Variants in VCPKMT observed in about 807,000 individuals in gnomAD.
The protein encoded by VCPKMT is protein N-lysine methyltransferase METTL21D.
In VCPKMT, 32 loss-of-function variants were observed where a neutral mutation model predicts 28.6. The ratio of observed to expected loss-of-function variants is 1.12; its 90% CI spans 0.84 to 1.50. The LOEUF (loss-of-function observed/expected upper bound fraction) is 1.50. Ranked by LOEUF, VCPKMT falls within the 40% of genes most tolerant of loss-of-function variation. The pLI is 0.00. For missense variants in VCPKMT, 366 were observed against 285.0 expected, an observed-to-expected ratio of 1.28 and a Z score of -2.05; for synonymous variants, 138 against 111.4, an observed-to-expected ratio of 1.24 and a Z score of -1.50.
chr14:50,106,310 A>G (rs1212999523), downstream of VCPKMT, among the ~76,000 whole-genome samples: 1 of 152,182 alleles, frequency 6.6e-6, no homozygotes, highest in Non-Finnish European at 1.5e-5. Context: ...CTATAACTGC[A>G]TTCTGATAAG....
intron 5 of VCPKMT, chr14:50,111,364 C>T: frequency 5.1e-6 from 5 of 985,390 alleles, no homozygotes; most frequent in Non-Finnish European, 6.0e-6. Flanking sequence ...CCCGCTGCTG[C>T]CTTTTTACTT....
intron 5 of VCPKMT, among the ~76,000 whole-genome samples, chr14:50,112,290 AATCT>A (rs1882722529): frequency 6.7e-6 from 1 of 150,100 alleles, no homozygotes; most frequent in Non-Finnish European, 1.5e-5. Context: ...TGATGCCTGT[AATCT>A]CAGAACTTTG....
chr14:50,115,879 G>A lies in VCPKMT; in HGVS notation c.410C>T (p.Pro137Leu). 1 of 1,613,462 alleles carries A rather than the reference G, an allele frequency of 6.2e-7. No homozygotes were observed. ...GEEIEGFPSP[P>L]DFILMADCIY... Reference sequence around the variant, plus strand: ...GCAGTCGGCCATCAGTATGAAGTCGGGTGGAGAAGGAAAGCCTTCTATTTC... The same window carrying A: ...GCAGTCGGCCATCAGTATGAAGTCGAGTGGAGAAGGAAAGCCTTCTATTTC... Residue 137 changes from proline (P) to leucine (L), a missense_variant, in exon 3 of 6, where the codon CCC becomes CTC. Coordinates refer to ENST00000395860, the MANE Select transcript of VCPKMT (RefSeq NM_024558.3).
rs552956120 is a variant in VCPKMT at position 50,109,386 on chromosome 14, G to C, written c.*313C>G. ...AAGGTCCAGTCAAATCATGTTGGCT[G>C]TTTTTGGCAGATTTCAGCCTCGCCT... On this transcript the variant is annotated 3_prime_UTR_variant, in exon 6 of 6. Transcript: ENST00000395860. 53 of 1,093,260 alleles carry C rather than the reference G, an allele frequency of 4.8e-5. No homozygotes were observed. In the African/African-American group the frequency reaches 8.0e-4, roughly 17 times the overall value. 67.7% of individuals were successfully genotyped at this position (1,093,260 alleles called of 1,614,324 possible).
the VCPKMT span, among the ~76,000 whole-genome samples, chr14:50,103,479 CT>C: frequency 6.6e-6 from 1 of 152,158 alleles, no homozygotes; most frequent in Non-Finnish European, 1.5e-5. Context: ...CCCATCTGGT[CT>C]CAGGTTTAGC....
intron 3 of VCPKMT, among the ~76,000 whole-genome samples, chr14:50,115,457 G>A (rs1186887812): frequency 1.3e-5 from 2 of 151,726 alleles, no homozygotes; most frequent in South Asian, 2.1e-4. Context: ...GGCCCAAACT[G>A]GTATTTAAAG....
At chr14:50,106,384 T>G (rs1039672897), downstream of VCPKMT, among the ~76,000 whole-genome samples, 11 of 152,206 alleles carry the variant, frequency 7.2e-5, no homozygotes, top group Non-Finnish European at 1.2e-4. Flanking sequence ...GCATTGGCAG[T>G]CCCTTGGGAT....
rs1453831349 is a variant in VCPKMT at position 50,109,013 on chromosome 14, T to G, written c.*686A>C. On this transcript the variant is annotated 3_prime_UTR_variant, in exon 6 of 6. Transcript: ENST00000395860. The stretch of plus-strand genomic sequence containing the variant: ...CTCAAATGAAAAATCTGTAAAGATA[T>G]CTTTTGTTCCTCCAATCTTCTGATT... 1 of 985,358 alleles carries G rather than the reference T, an allele frequency of 1.0e-6. No homozygotes were observed. Among genetic ancestry groups the G allele is most frequent in the Non-Finnish European group, 1.2e-6 (1 of 829,950 alleles). The allele number at this position is 985,358 out of a possible 1,614,324, so 61.0% of individuals were successfully genotyped here. A position where few individuals can be genotyped will look rare whatever the true frequency, so the allele number is the denominator to read the frequency against.
intron 5 of VCPKMT, among the ~76,000 whole-genome samples, chr14:50,109,917 G>T (rs999993084): frequency 6.6e-6 from 1 of 152,084 alleles, no homozygotes; most frequent in African/African-American, 2.4e-5. Context: ...CAGATGCATT[G>T]GACATTATCA....
chr14:50,116,261 C>A, intron 1 of VCPKMT, 26 bp downstream of exon 1: 1 of 1,607,022 alleles, frequency 6.2e-7, no homozygotes. Context: ...GGCGCCCCCA[C>A]ATCCCGCCCG....
intron 4 of VCPKMT, chr14:50,113,374 G>T (rs1315477089): frequency 6.6e-6 from 1 of 152,020 alleles, no homozygotes; most frequent in Non-Finnish European, 1.5e-5. Flanking sequence ...TGTTACCTGA[G>T]GCAGTCATAT....
chr14:50,114,296 T>G lies in VCPKMT; in HGVS notation c.559A>C (p.Lys187Gln), dbSNP rs1178186898. 3.2e-6 allele frequency: 5 copies of G among 1,581,942 alleles called. No individual in the cohort carries two copies. In the Admixed American group the frequency reaches 5.7e-5, roughly 18 times the overall value. Residue 187 changes from lysine to glutamine, a missense_variant, in exon 4 of 6, where the codon AAA becomes CAA. Transcript: ENST00000395860. ...TACTTAATACTTACCTCAAAATATTTTTTCTCAATTTCTGGATTTTTCCCC... is the reference window on the plus strand; with the variant it reads ...TACTTAATACTTACCTCAAAATATTGTTTCTCAATTTCTGGATTTTTCCCC... ...TMGKNPEIEK[K>Q]YFELLQLDFD...
At position 50,116,217 on chromosome 14, in the gene VCPKMT, G is replaced by A. The variant is rs748855600; in HGVS notation, c.267-38C>T. On this transcript the variant is annotated intron_variant, in intron 1 of 5. Coordinates refer to ENST00000395860, the MANE Select transcript of VCPKMT (RefSeq NM_024558.3). Reference sequence around the variant, plus strand: ...GTCGACTGAGGTGTAGGCACAGGGGGGAAAGCCTGTAATCCGGATTTCCCC... The same window carrying A: ...GTCGACTGAGGTGTAGGCACAGGGGAGAAAGCCTGTAATCCGGATTTCCCC... 2.5e-6 allele frequency: 4 copies of A among 1,613,042 alleles called. No individual in the cohort carries two copies. The East Asian group carries it at 6.7e-5, about 27-fold the overall frequency.
intron 3 of VCPKMT, among the ~76,000 whole-genome samples, chr14:50,114,716 G>A (rs542925113): frequency 7.2e-5 from 11 of 152,304 alleles, no homozygotes; most frequent in African/African-American, 2.6e-4. Flanking sequence ...CCAGCATGCT[G>A]GTGCACACCT....
At position 50,113,809 on chromosome 14, in the gene VCPKMT, G is replaced by GGGGGGGGGGT. The variant is rs1566807810; in HGVS notation, c.570+475_570+476insACCCCCCCCC. On this transcript the variant is annotated intron_variant, in intron 4 of 5. Transcript: ENST00000395860. ...TACTTGGGGGCGGGGGGGGGGGGGG[G>GGGGGGGGGGT]TGACACTGAGGCAGGAGGATCACTT... 1.3e-4 allele frequency among the ~76,000 whole-genome samples: 5 copies of GGGGGGGGGGT among 39,816 alleles called. 1 individual carries two copies. The highest frequency in any genetic ancestry group is 2.5e-4 in the Non-Finnish European group (5 of 19,768). 26.1% of individuals were successfully genotyped at this position (39,816 alleles called of 152,430 possible).
chr14:50,114,933 G>T (rs1446483411), intron 3 of VCPKMT, among the ~76,000 whole-genome samples: 2 of 152,100 alleles, frequency 1.3e-5, no homozygotes, highest in East Asian at 3.9e-4. Context: ...ACTGATTTTG[G>T]TTTCCAGAAA....
Position 50,112,704 on chromosome 14 carries a change from A to C in VCPKMT, c.586T>G (p.Phe196Val). The C allele has an allele frequency of 6.4e-7, 1 of 1,568,516 alleles. No homozygotes were observed. The change falls in exon 5 of 6, where the codon TTT (phenylalanine) becomes GTT (valine). Residue 196 changes from phenylalanine to valine, a missense_variant. Physicochemically the swap from Phe to Val is conservative, Grantham distance 50 (BLOSUM62 -1). Coordinates refer to ENST00000395860, the MANE Select transcript of VCPKMT (RefSeq NM_024558.3). ...TCCAAAGGAATTTTTTCAAAGTCAA[A>C]ATCTAGCTGAAGGAGCTATAAATTT... Reference protein sequence around the residue: ...KKYFELLQLDFDFEKIPLEKH... With the variant: ...KKYFELLQLDVDFEKIPLEKH...
At chr14:50,109,842 G>T in intron 5 of VCPKMT, 129 bp from the exon 6 acceptor site, 1 of 1,088,228 alleles carries the variant, frequency 9.2e-7, no homozygotes, top group Non-Finnish European at 1.3e-6. Context: ...TGCAATTCAA[G>T]TGAACAACCA....
At chr14:50,112,397 A>G (rs1367386686) in intron 5 of VCPKMT, among the ~76,000 whole-genome samples, 3 of 20,790 alleles carry the variant, frequency 1.4e-4, no homozygotes, top group Non-Finnish European at 3.4e-4. Flanking sequence ...AAATACGAGA[A>G]AAAAAAAAAA....
Sources: gnomAD v4.1 joint callset for allele counts (sites outside exome capture counted in the v4.1 genomes callset) on GRCh38, gnomAD v4.1.1 for gene constraint, MANE v1.5 for transcripts, NCBI Gene and HGNC (gene_info 2026-07-23, HGNC 2026-07-21) for gene names.